Variants in C12orf42 observed in about 807,000 individuals in gnomAD.
C12orf42 encodes the protein chromosome 12 open reading frame 42.
A neutral mutation model predicts 21.6 loss-of-function variants in C12orf42; 25 were observed. The observed-to-expected ratio is 1.16, with a 90% CI of 0.84 to 1.62. The LOEUF (loss-of-function observed/expected upper bound fraction) is 1.62. Ranked by LOEUF, C12orf42 falls within the 40% of genes most tolerant of loss-of-function variation. The pLI, the probability that C12orf42 is intolerant of heterozygous loss-of-function variation, is 0.00. For missense variants in C12orf42, 483 were observed against 459.3 expected (o/e 1.05, Z -0.47); for synonymous variants, 174 against 175.0 (o/e 0.99, Z 0.05).
At chr12:103,418,144 A>G (rs1344322454) in intron 2 of C12orf42, among the ~76,000 whole-genome samples, 2 of 152,212 alleles carry the variant, frequency 1.3e-5, no homozygotes, top group Non-Finnish European at 2.9e-5. Flanking sequence ...CTAAAGTACT[A>G]CCTAACCAAA....
chr12:103,555,006 CCT>C, the C12orf42 span, among the ~76,000 whole-genome samples: 1 of 152,112 alleles, frequency 6.6e-6, no homozygotes, highest in Non-Finnish European at 1.5e-5. Context: ...TTTCAAGCCC[CCT>C]GTCATGGTAG....
chr12:103,137,880 G>T, the C12orf42 span, among the ~76,000 whole-genome samples: 8 of 152,032 alleles, frequency 5.3e-5, no homozygotes, highest in Non-Finnish European at 1.0e-4. Flanking sequence ...GGTGTGTGGG[G>T]GTGGGGGCAT....
chr12:103,129,817 T>A, the C12orf42 span, among the ~76,000 whole-genome samples: 2 of 152,342 alleles, frequency 1.3e-5, no homozygotes, highest in Admixed American at 6.5e-5. Context: ...TTCCAGCTTA[T>A]CCTGGTCCAA....
chr12:103,369,028 A>C (rs1040685117), intron 3 of C12orf42, 30 bp from the exon 4 acceptor site: 6 of 1,279,316 alleles, frequency 4.7e-6, no homozygotes, highest in Non-Finnish European at 5.5e-6. Flanking sequence ...AATACACACA[A>C]AAAAATTAGG....
chr12:103,117,537 C>T, the C12orf42 span, among the ~76,000 whole-genome samples: 2 of 152,276 alleles, frequency 1.3e-5, no homozygotes, highest in South Asian at 4.2e-4. Flanking sequence ...TATTGCATTC[C>T]AGGCCCCATG....
intron 2 of C12orf42, among the ~76,000 whole-genome samples, chr12:103,420,796 A>G (rs7959146): frequency 0.83 from 126,066 of 152,086 alleles, 52,279 homozygotes; most frequent in Admixed American, 0.88. Context: ...TGGGATTGTA[A>G]GCATGAGTCA....
At chr12:103,294,434 G>GAAAA (rs762128642) in intron 4 of C12orf42, among the ~76,000 whole-genome samples, 1 of 95,718 alleles carries the variant, frequency 1.0e-5, no homozygotes, top group Non-Finnish European at 1.9e-5. Flanking sequence ...GAGAGAGAAA[G>GAAAA]AAAGAAAGAA....
chr12:103,191,990 CA>C, the C12orf42 span, among the ~76,000 whole-genome samples: 1 of 151,602 alleles, frequency 6.6e-6, no homozygotes, highest in Non-Finnish European at 1.5e-5. Context: ...AAACCACAAA[CA>C]AAAATTCTAT....
At chr12:103,280,101 A>C (rs2036012588) in intron 4 of C12orf42, among the ~76,000 whole-genome samples, 1 of 152,216 alleles carries the variant, frequency 6.6e-6, no homozygotes, top group Non-Finnish European at 1.5e-5. Context: ...TACTCTTTTG[A>C]GCCCTTGACA....
chr12:103,362,604 T>C (rs117236324), intron 4 of C12orf42, among the ~76,000 whole-genome samples: 445 of 151,536 alleles, frequency 2.9e-3, no homozygotes, highest in Non-Finnish European at 4.9e-3. Flanking sequence ...AAACATGATA[T>C]AAGAAATGAA....
intron 2 of C12orf42, among the ~76,000 whole-genome samples, chr12:103,448,954 A>G (rs1487505246): frequency 1.3e-5 from 2 of 152,116 alleles, no homozygotes; most frequent in Non-Finnish European, 1.5e-5. Flanking sequence ...GTGCCTACCC[A>G]GAGGAAAATA....
chr12:103,147,569 T>C, the C12orf42 span, among the ~76,000 whole-genome samples: 3 of 149,616 alleles, frequency 2.0e-5, no homozygotes, highest in African/African-American at 7.4e-5. Context: ...CTGGTTGTTA[T>C]TGTGTCTCAG....
chr12:103,410,003 T>C (rs1593872439), intron 2 of C12orf42, among the ~76,000 whole-genome samples: 2 of 152,208 alleles, frequency 1.3e-5, no homozygotes, highest in Non-Finnish European at 2.9e-5. Flanking sequence ...TCCTGAGACA[T>C]TTCATGTTTA....
the C12orf42 span, among the ~76,000 whole-genome samples, chr12:103,517,384 C>T: frequency 7.5e-4 from 114 of 152,278 alleles, 2 homozygotes; most frequent in African/African-American, 2.7e-3. Flanking sequence ...AATTGAGAAG[C>T]ATACAGTCTG....
chr12:103,311,605 A>T (rs1593379313), intron 4 of C12orf42, among the ~76,000 whole-genome samples: 1 of 152,154 alleles, frequency 6.6e-6, no homozygotes, highest in African/African-American at 2.4e-5. Flanking sequence ...GCTTTTATTA[A>T]TAGTATTCCT....
the C12orf42 span, among the ~76,000 whole-genome samples, chr12:103,177,331 C>T: frequency 9.9e-5 from 15 of 152,108 alleles, no homozygotes; most frequent in African/African-American, 3.6e-4. Context: ...AAAATGCTCT[C>T]CACAATCTAA....
intron 2 of C12orf42, among the ~76,000 whole-genome samples, chr12:103,440,190 T>C (rs1951090328): frequency 7.1e-6 from 1 of 141,746 alleles, no homozygotes; most frequent in Admixed American, 7.4e-5. Context: ...TTCTCACTCA[T>C]AGGTGGGAAC....
At chr12:103,399,350 T>C (rs977925201) in intron 3 of C12orf42, among the ~76,000 whole-genome samples, 2 of 151,958 alleles carry the variant, frequency 1.3e-5, no homozygotes, top group African/African-American at 4.8e-5. Flanking sequence ...ATTAAGTCTA[T>C]TTTTGTTGTT....
chr12:103,186,230 ACTAT>A, the C12orf42 span, among the ~76,000 whole-genome samples: 1 of 152,186 alleles, frequency 6.6e-6, no homozygotes, highest in African/African-American at 2.4e-5. Flanking sequence ...GGCTTTTAGG[ACTAT>A]CTATCAACTT....
Sources: gnomAD v4.1 joint callset for allele counts (sites outside exome capture counted in the v4.1 genomes callset) on GRCh38, gnomAD v4.1.1 for gene constraint, MANE v1.5 for transcripts, NCBI Gene and HGNC (gene_info 2026-07-23, HGNC 2026-07-21) for gene names.